TBX15: variants seen among roughly 807,000 people sequenced by gnomAD.
TBX15 encodes the protein T-box transcription factor TBX15.
Under a neutral mutation model 53.9 loss-of-function variants are expected in TBX15, and 18 were observed. The ratio of observed to expected loss-of-function variants is 0.33; its 90% CI spans 0.23 to 0.49. The LOEUF (loss-of-function observed/expected upper bound fraction) is 0.49, where lower values mean the gene tolerates loss of function less well. Among genes scored for constraint, TBX15 ranks in the 20% least tolerant of loss-of-function variants. The pLI is 0.98. For synonymous variants in TBX15, 295 were observed against 278.0 expected, an observed-to-expected ratio of 1.06 and a Z score of -0.61; for missense variants, 692 against 749.5, an observed-to-expected ratio of 0.92 and a Z score of 0.90.
chr1:118,916,987 C>T (rs754738928), intron 5 of TBX15, among the ~76,000 whole-genome samples: 1 of 152,106 alleles, frequency 6.6e-6, no homozygotes, highest in African/African-American at 2.4e-5. Flanking sequence ...CAAATTAGTT[C>T]AATTATTGTG....
chr1:118,933,243 G>C (rs1442569471), intron 1 of TBX15, among the ~76,000 whole-genome samples: 1 of 152,120 alleles, frequency 6.6e-6, no homozygotes, highest in Non-Finnish European at 1.5e-5. Flanking sequence ...CTGTGTCAAA[G>C]CCACAGGGAA....
At chr1:118,952,011 T>C (rs1242412379) in intron 1 of TBX15, among the ~76,000 whole-genome samples, 1 of 152,162 alleles carries the variant, frequency 6.6e-6, no homozygotes, top group Non-Finnish European at 1.5e-5. Context: ...GCAGGTCCAC[T>C]TATATGTAGA....
chr1:118,895,270 T>G (rs1654383694), intron 7 of TBX15, among the ~76,000 whole-genome samples: 1 of 152,196 alleles, frequency 6.6e-6, no homozygotes, highest in African/African-American at 2.4e-5. Context: ...TCTTGGGGAA[T>G]GGAGAGCTTT....
In TBX15 at chr1:118,931,822, C is replaced by T; in HGVS notation, c.216G>A (p.Gln72=). ...GGACCTCAGAATCTGAACCAGTGCT[C>T]TGCTCAGAATCTGCAAAATAAACAA... ...HGLEPHPDSE[Q]STGSDSEVLT... is the part of the protein sequence containing the mutation. The change falls in exon 2 of 8, where the codon CAG becomes CAA. Residue 72 remains glutamine, a synonymous_variant. Coordinates refer to ENST00000369429, the MANE Select transcript of TBX15 (RefSeq NM_001330677.2). The T allele has an allele frequency of 1.3e-6, 2 of 1,575,222 alleles. No individual in the cohort carries two copies. The highest frequency in any genetic ancestry group is 1.1e-5 in the South Asian group (1 of 87,164).
chr1:118,912,948 C>A (rs1655068893), intron 6 of TBX15, among the ~76,000 whole-genome samples: 1 of 152,126 alleles, frequency 6.6e-6, no homozygotes, highest in Admixed American at 6.5e-5. Context: ...TCAGTACATA[C>A]AATTTTTAAA....
At chr1:118,893,862 C>T (rs1654303721) in intron 7 of TBX15, among the ~76,000 whole-genome samples, 1 of 152,030 alleles carries the variant, frequency 6.6e-6, no homozygotes, top group Non-Finnish European at 1.5e-5. Flanking sequence ...TATTTGAGTA[C>T]TAAATATACA....
At chr1:118,963,015 C>A (rs1656928825) in intron 1 of TBX15, among the ~76,000 whole-genome samples, 1 of 152,180 alleles carries the variant, frequency 6.6e-6, no homozygotes, top group African/African-American at 2.4e-5. Context: ...AGAAACAAGT[C>A]ACTTTTGAAA....
intron 6 of TBX15, chr1:118,901,498 G>T: frequency 4.5e-6 from 2 of 443,778 alleles, no homozygotes; most frequent in Non-Finnish European, 9.0e-6. Flanking sequence ...TTCATAATAG[G>T]CAAGAAGACT....
intron 3 of TBX15, among the ~76,000 whole-genome samples, chr1:118,926,044 A>C (rs1655585568): frequency 6.6e-6 from 1 of 152,152 alleles, no homozygotes; most frequent in Non-Finnish European, 1.5e-5. Flanking sequence ...AATTCTCCAT[A>C]AGTAGATATT....
intron 7 of TBX15, among the ~76,000 whole-genome samples, chr1:118,895,366 C>T (rs1372017691): frequency 6.6e-6 from 1 of 152,152 alleles, no homozygotes; most frequent in Non-Finnish European, 1.5e-5. Context: ...TTTAGAACAA[C>T]AGTTATCAAA....
intron 1 of TBX15, among the ~76,000 whole-genome samples, chr1:118,975,502 C>A (rs1657393974): frequency 6.6e-6 from 1 of 152,210 alleles, no homozygotes; most frequent in African/African-American, 2.4e-5. Flanking sequence ...ATCTACAGGG[C>A]AGGCAATATA....
At chr1:118,889,243 C>T (rs1654052358) in intron 7 of TBX15, among the ~76,000 whole-genome samples, 1 of 152,214 alleles carries the variant, frequency 6.6e-6, no homozygotes, top group South Asian at 2.1e-4. Flanking sequence ...CTATGGTATT[C>T]ATTTTGCAGA....
chr1:118,924,879 G>A, intron 3 of TBX15, 62 bp from the exon 4 acceptor site: 2 of 1,590,592 alleles, frequency 1.3e-6, no homozygotes, highest in South Asian at 1.1e-5. Context: ...CAGAGGCCCA[G>A]GAAACAAGTT....
At chr1:118,893,316 A>AGG (rs1176705195) in intron 7 of TBX15, among the ~76,000 whole-genome samples, 1,943 of 131,450 alleles carry the variant, frequency 0.015, 77 homozygotes, top group African/African-American at 0.043. Flanking sequence ...GAAGGAAGGA[A>AGG]AGAAAGAAAG....
At chr1:118,913,187 C>T (rs770761387) in intron 6 of TBX15, among the ~76,000 whole-genome samples, 32 of 151,626 alleles carry the variant, frequency 2.1e-4, no homozygotes, top group Non-Finnish European at 4.4e-4. Context: ...CAAAGATAAC[C>T]CCTGGTAATC....
chr1:118,988,750 G>A (rs1324563448), upstream of TBX15, among the ~76,000 whole-genome samples: 2 of 152,170 alleles, frequency 1.3e-5, no homozygotes, highest in Admixed American at 1.3e-4. Flanking sequence ...TGATAATTTC[G>A]CGTCAGCCCC....
Position 118,903,997 on chromosome 1 carries a change from A to G in TBX15, c.927-4872T>C, listed in dbSNP as rs576969767. ...GAGTAATCAGCAGTTTTCCATCCAGAAAAGAGTCAGTAAAAGTTTTTCTAG... is the reference window on the plus strand; with the variant it reads ...GAGTAATCAGCAGTTTTCCATCCAGGAAAGAGTCAGTAAAAGTTTTTCTAG... On this transcript the variant is annotated intron_variant, in intron 6 of 7. Coordinates refer to ENST00000369429, the MANE Select transcript of TBX15 (RefSeq NM_001330677.2). Among the ~76,000 whole-genome samples the G allele has an allele frequency of 3.3e-5, 5 of 152,280 alleles. No individual in the cohort carries two copies. In the East Asian group the frequency reaches 9.7e-4, roughly 29 times the overall value.
At chr1:118,989,248 C>A (rs114474679), upstream of TBX15, 4,866 of 152,404 alleles carry the variant, frequency 0.032, 246 homozygotes, top group African/African-American at 0.11. Context: ...CAGCTGATCT[C>A]CCCCCTGGCC....
intron 6 of TBX15, among the ~76,000 whole-genome samples, chr1:118,907,388 T>C (rs1654874945): frequency 6.6e-6 from 1 of 152,204 alleles, no homozygotes; most frequent in Non-Finnish European, 1.5e-5. Context: ...AATCTCATTT[T>C]TATGTATGTG....
Sources: allele counts gnomAD v4.1 joint callset (sites outside exome capture counted in the v4.1 genomes callset), GRCh38; gene constraint gnomAD v4.1.1; transcripts MANE v1.5; gene names NCBI Gene and HGNC (gene_info 2026-07-23, HGNC 2026-07-21).